Variants in SYTL5 observed in about 807,000 individuals in gnomAD.
SYTL5 encodes synaptotagmin like 5.
SYTL5 carries 34 observed loss-of-function variants against 55.9 expected under a neutral mutation model. The observed-to-expected ratio is 0.61, with a 90% CI of 0.46 to 0.81. The LOEUF is 0.81. SYTL5 is among the 30% of genes least tolerant of loss of function. SYTL5 has a pLI of 0.00. For synonymous variants in SYTL5, 221 were observed against 188.7 expected, an observed-to-expected ratio of 1.17 and a Z score of -1.40; for missense variants, 637 against 546.7, an observed-to-expected ratio of 1.17 and a Z score of -1.65.
chrX:38,096,733 T>C (rs1602392161), intron 9 of SYTL5, among the ~76,000 whole-genome samples: 2 of 111,424 alleles, frequency 1.8e-5, no homozygotes, highest in South Asian at 7.4e-4. Context: ...TATTCTGATA[T>C]TCAGATTTCT....
the SYTL5 span, among the ~76,000 whole-genome samples, chrX:37,894,048 G>A: frequency 1.8e-5 from 2 of 109,901 alleles, no homozygotes; most frequent in African/African-American, 3.3e-5. Context: ...TACACTATAT[G>A]TCCTCTTTTG....
chrX:37,967,755 C>T, the SYTL5 span, among the ~76,000 whole-genome samples: 4 of 110,196 alleles, frequency 3.6e-5, no homozygotes, highest in Non-Finnish European at 5.7e-5. Context: ...TTCATTCTTT[C>T]TTCTTTTTGC....
At chrX:38,032,653 T>G (rs1230016223) in intron 1 of SYTL5, among the ~76,000 whole-genome samples, 1 of 111,457 alleles carries the variant, frequency 9.0e-6, no homozygotes, top group African/African-American at 3.3e-5. Context: ...AAATTATATA[T>G]ATATTTGCAA....
chrX:38,001,120 C>A, the SYTL5 span, among the ~76,000 whole-genome samples: 1 of 110,704 alleles, frequency 9.0e-6, no homozygotes, highest in African/African-American at 3.3e-5. Flanking sequence ...AGGGGTGGAG[C>A]CCTAGCCACA....
the SYTL5 span, among the ~76,000 whole-genome samples, chrX:37,934,182 A>G: frequency 9.0e-6 from 1 of 110,867 alleles, no homozygotes; most frequent in Admixed American, 9.7e-5. Context: ...ACAAGAAACT[A>G]TGGCGTATCC....
chrX:37,953,080 C>T, the SYTL5 span, among the ~76,000 whole-genome samples: 1 of 111,033 alleles, frequency 9.0e-6, no homozygotes, highest in East Asian at 2.8e-4. Flanking sequence ...GAGCGAGTTG[C>T]CTTTGGGTAA....
the SYTL5 span, chrX:37,991,404 G>C: frequency 4.7e-6 from 3 of 633,241 alleles, no homozygotes; most frequent in Non-Finnish European, 7.0e-6. Flanking sequence ...AGAGCTGAAG[G>C]CGGGGAAGGG....
At chrX:37,969,435 C>A in the SYTL5 span, among the ~76,000 whole-genome samples, 3 of 111,889 alleles carry the variant, frequency 2.7e-5, no homozygotes, top group Non-Finnish European at 3.8e-5. Flanking sequence ...AGAGCTCTCA[C>A]ATGTAGTTTT....
the SYTL5 span, among the ~76,000 whole-genome samples, chrX:37,989,993 C>A: frequency 9.0e-6 from 1 of 110,811 alleles, no homozygotes; most frequent in African/African-American, 3.3e-5. Flanking sequence ...TGGCCTCAGC[C>A]TCCCAAGTAG....
chrX:37,952,193 G>T, the SYTL5 span, among the ~76,000 whole-genome samples: 1 of 111,350 alleles, frequency 9.0e-6, no homozygotes, highest in South Asian at 3.8e-4. Flanking sequence ...CCATTAAAAA[G>T]TACAGGAAAA....
rs1936435163 is a variant in SYTL5 at position 38,078,133 on chromosome X, A to G, written c.689+1432A>G. ...AATTATTTAGAGACAGTAAGCAACT[A>G]ATTTGGTGTTCTTTTTGCTCAGCCT... On this transcript the variant is annotated intron_variant, in intron 6 of 16. Transcript: ENST00000297875. Among the ~76,000 whole-genome samples, 5 of 112,317 alleles carry G rather than the reference A, an allele frequency of 4.5e-5. No homozygotes were observed. The South Asian group carries it at 1.9e-3, about 42-fold the overall frequency.
chrX:38,050,097 T>C (rs1335805479), intron 2 of SYTL5, among the ~76,000 whole-genome samples: 1 of 111,933 alleles, frequency 8.9e-6, no homozygotes, highest in African/African-American at 3.3e-5. Context: ...CTAGATGAGA[T>C]TGTTTAAAAG....
rs773280892 is a variant in SYTL5 at position 38,110,393 on chromosome X, C to T, written c.1507C>T (p.Arg503Cys). Residue 503 changes from arginine to cysteine, a missense_variant, in exon 13 of 17, where the codon CGT becomes TGT. By Grantham distance (180) the Arg-to-Cys change is radical. Transcript: ENST00000297875. The stretch of plus-strand genomic sequence containing the variant: ...AGTCTGGCACTATGATCGATTTGGA[C>T]GTAATAGCTTCCTCGGGGAAGTAGA... ...LSVWHYDRFG[R>C]NSFLGEVEIP... The T allele has an allele frequency of 1.0e-5, 12 of 1,205,791 alleles. No homozygotes were observed. The highest frequency in any genetic ancestry group is 8.9e-5 in the East Asian group (3 of 33,701).
chrX:38,020,295 T>C (rs1191334371), intron 1 of SYTL5, among the ~76,000 whole-genome samples: 1 of 107,845 alleles, frequency 9.3e-6, no homozygotes, highest in South Asian at 4.0e-4. Flanking sequence ...TAAAAACATA[T>C]AAAGAAAATT....
At chrX:38,074,969 G>A (rs1346304241) in intron 5 of SYTL5, among the ~76,000 whole-genome samples, 1 of 110,613 alleles carries the variant, frequency 9.0e-6, no homozygotes, top group Non-Finnish European at 1.9e-5. Flanking sequence ...TTTAGTGGTA[G>A]ACCAGTGGTT....
At chrX:37,992,607 G>A in the SYTL5 span, among the ~76,000 whole-genome samples, 1 of 112,372 alleles carries the variant, frequency 8.9e-6, no homozygotes, top group Non-Finnish European at 1.9e-5. Flanking sequence ...TGCATGCACA[G>A]GGTCCCCCTT....
chrX:38,042,353 A>T (rs1466383581), intron 2 of SYTL5, among the ~76,000 whole-genome samples: 1 of 110,873 alleles, frequency 9.0e-6, no homozygotes, highest in Non-Finnish European at 1.9e-5. Context: ...GAACTTGTGT[A>T]TAGGGAGAGT....
intron 3 of SYTL5, among the ~76,000 whole-genome samples, chrX:38,059,363 G>A (rs1014102469): frequency 3.6e-5 from 4 of 111,703 alleles, no homozygotes; most frequent in African/African-American, 1.3e-4. Flanking sequence ...TGAAGAAATG[G>A]TAGGACTTAA....
At chrX:37,910,186 G>A in the SYTL5 span, among the ~76,000 whole-genome samples, 1 of 111,824 alleles carries the variant, frequency 8.9e-6, no homozygotes, top group East Asian at 2.8e-4. Context: ...TCTTCTCACA[G>A]TTCTGGAGGC....
Sources: allele counts gnomAD v4.1 joint callset (sites outside exome capture counted in the v4.1 genomes callset), GRCh38; gene constraint gnomAD v4.1.1; transcripts MANE v1.5; gene names NCBI Gene and HGNC (gene_info 2026-07-23, HGNC 2026-07-21).